TPGS2: variants seen among roughly 807,000 people sequenced by gnomAD.
The protein encoded by TPGS2 is polyglutamylase subunit 2.
TPGS2 carries 26 observed loss-of-function variants against 31.1 expected under a neutral mutation model. That is an observed-to-expected ratio of 0.84 (90% CI 0.61 to 1.16). The LOEUF (loss-of-function observed/expected upper bound fraction) is 1.16, where lower values mean the gene tolerates loss of function less well. Among genes scored for constraint, TPGS2 ranks in the 50% most tolerant of loss-of-function variants. TPGS2 has a pLI of 0.00. For synonymous variants in TPGS2, 130 were observed against 136.6 expected, an observed-to-expected ratio of 0.95 and a Z score of 0.34; for missense variants, 351 against 363.8, an observed-to-expected ratio of 0.96 and a Z score of 0.29.
At chr18:36,792,457 TA>T (rs2044347248), downstream of TPGS2, among the ~76,000 whole-genome samples, 1 of 152,182 alleles carries the variant, frequency 6.6e-6, no homozygotes, top group East Asian at 1.9e-4. Context: ...ATGCTGAAAC[TA>T]AAAAGGTCCC....
At chr18:36,821,151 T>C (rs1262251166) in intron 1 of TPGS2, 5 of 152,126 alleles carry the variant, frequency 3.3e-5, no homozygotes, top group Non-Finnish European at 7.3e-5. Context: ...TGTGAAAAAA[T>C]GGTGTACCAG....
At chr18:36,780,124 TG>T (rs2043967659), downstream of TPGS2, 2 of 1,232,160 alleles carry the variant, frequency 1.6e-6, no homozygotes, top group Non-Finnish European at 2.0e-6. Flanking sequence ...CTCTTCAGAA[TG>T]GCAAAACTCT....
At chr18:36,798,651 T>G in intron 5 of TPGS2, 42 bp from the exon 6 acceptor site, 1 of 1,589,608 alleles carries the variant, frequency 6.3e-7, no homozygotes, top group South Asian at 1.1e-5. Flanking sequence ...AAGAATAGCT[T>G]AACAGTTTTT....
At chr18:36,788,576 T>C (rs1281107641) in intron 6 of TPGS2, 1 of 152,250 alleles carries the variant, frequency 6.6e-6, no homozygotes, top group East Asian at 1.9e-4. Context: ...TACACTCAAC[T>C]ATGTTCAGGC....
At chr18:36,785,531 T>C (rs1013054699) in intron 6 of TPGS2, among the ~76,000 whole-genome samples, 21 of 152,218 alleles carry the variant, frequency 1.4e-4, no homozygotes, top group African/African-American at 4.8e-4. Flanking sequence ...TTATTTGGAT[T>C]GCTGATACTT....
At position 36,798,581 on chromosome 18, in the gene TPGS2, G is replaced by A. The variant is rs76391554; in HGVS notation, c.525C>T (p.Phe175=). 3.7e-6 allele frequency: 6 copies of A among 1,614,044 alleles called. No homozygotes were observed. The African/African-American group carries it at 4.0e-5, about 11-fold the overall frequency. ...AATGCCAGTATAACGCTCTGTCCAG[G>A]AACCAGATCTCAGTGTCTTCTGCTA... The part of the protein sequence containing the change: ...PALAEDTEIW[F]LDRALYWHFL... The change falls in exon 6 of 7, where the codon TTC becomes TTT. Residue 175 remains phenylalanine (F), a synonymous_variant. Coordinates refer to ENST00000334295, the MANE Select transcript of TPGS2 (RefSeq NM_015476.4).
At chr18:36,801,370 C>T (rs1479174012) in intron 4 of TPGS2, among the ~76,000 whole-genome samples, 25 of 152,092 alleles carry the variant, frequency 1.6e-4, no homozygotes, top group Admixed American at 1.6e-3. Context: ...TCCACTCTAT[C>T]ACCTGGGCTG....
rs529781280 is a variant in TPGS2, at chr18:36,795,013, G to C, written c.*1792C>G. 1 of 985,252 alleles carries C rather than the reference G, an allele frequency of 1.0e-6. No homozygotes were observed. Among genetic ancestry groups the C allele is most frequent in the Middle Eastern group, 5.2e-4 (1 of 1,936 alleles). The allele number at this position is 985,252 out of a possible 1,614,324, so 61.0% of individuals were successfully genotyped here. The stretch of plus-strand genomic sequence containing the variant: ...TTTATGCTCCCAAAGACTCTTAAGC[G>C]CTGATATTTCAAGACTTTGAACTAT... On this transcript the variant is annotated 3_prime_UTR_variant, in exon 7 of 7. Transcript: ENST00000334295.
At chr18:36,797,107 G>C in intron 6 of TPGS2, 57 bp from the exon 7 acceptor site, 1 of 1,585,298 alleles carries the variant, frequency 6.3e-7, no homozygotes, top group Non-Finnish European at 8.5e-7. Flanking sequence ...GCCATTCTGT[G>C]TGCTCTTTTT....
rs114805698 is a variant in TPGS2 at position 36,796,859 on chromosome 18, G to A, written c.849C>T (p.Ser283=). The A allele has an allele frequency of 5.7e-5, 92 of 1,607,662 alleles. No individual in the cohort carries two copies. The South Asian group carries it at 9.0e-4, about 16-fold the overall frequency. The change falls in exon 7 of 7, where the codon TCC becomes TCT. Residue 283 remains serine, a synonymous_variant. Transcript: ENST00000334295. ...AGGAGGATTTAGAAGTGGAGGAAGTGGAGGGACCGGAGGGTCCTGAGGGCC... is the reference window on the plus strand; with the variant it reads ...AGGAGGATTTAGAAGTGGAGGAAGTAGAGGGACCGGAGGGTCCTGAGGGCC... ...QKGPSGPSGP[S]TSSTSKSSSG... is the part of the protein sequence containing the mutation.
intron 2 of TPGS2, among the ~76,000 whole-genome samples, chr18:36,815,229 C>T (rs536010191): frequency 6.6e-6 from 1 of 152,240 alleles, no homozygotes; most frequent in Non-Finnish European, 1.5e-5. Flanking sequence ...CAAGCCTGCT[C>T]CTGTGTCAAC....
At position 36,795,285 on chromosome 18, in the gene TPGS2, G is replaced by A. The variant is rs1303481093; in HGVS notation, c.*1520C>T. The A allele has an allele frequency of 1.2e-5, 12 of 985,360 alleles. No individual in the cohort carries two copies. The highest frequency in any genetic ancestry group is 1.1e-4 in the East Asian group (1 of 8,820). 61.0% of individuals were successfully genotyped at this position (985,360 alleles called of 1,614,324 possible). A position where few individuals can be genotyped will look rare whatever the true frequency, so the allele number is the denominator to read the frequency against. On this transcript the variant is annotated 3_prime_UTR_variant, in exon 7 of 7. Transcript: ENST00000334295. ...GTTTGGAAGAGGGAAACCCTGGGTC[G>A]ATTAGCAGGTAGACAGTGCAAAGGA...
intron 1 of TPGS2, 101 bp downstream of exon 1, chr18:36,828,582 T>G: frequency 1.5e-6 from 2 of 1,321,796 alleles, no homozygotes; most frequent in Non-Finnish European, 2.1e-6. Context: ...TGTCCACTCC[T>G]GTTCTGGGGC....
At chr18:36,803,258 A>G (rs1361620589) in intron 4 of TPGS2, among the ~76,000 whole-genome samples, 2 of 152,178 alleles carry the variant, frequency 1.3e-5, no homozygotes, top group South Asian at 2.1e-4. Flanking sequence ...CTGTTGACCA[A>G]CGTTTCCCCT....
intron 2 of TPGS2, among the ~76,000 whole-genome samples, chr18:36,811,334 G>A (rs2045415962): frequency 6.6e-6 from 1 of 152,190 alleles, no homozygotes; most frequent in Admixed American, 6.5e-5. Context: ...GTTTTGTTGA[G>A]TAGGGTATGA....
At chr18:36,818,195 G>C (rs1359102397) in intron 2 of TPGS2, among the ~76,000 whole-genome samples, 4 of 152,046 alleles carry the variant, frequency 2.6e-5, no homozygotes, top group African/African-American at 9.7e-5. Context: ...ATTTCTTATT[G>C]CTTCTTTGGG....
Position 36,805,618 on chromosome 18 carries a change from G to A in TPGS2, c.254-116C>T, listed in dbSNP as rs532848089. The A allele has an allele frequency of 2.2e-4, 295 of 1,342,578 alleles. No homozygotes were observed. In the African/African-American group the frequency reaches 2.2e-3, roughly 10 times the overall value. The allele number at this position is 1,342,578 out of a possible 1,614,324, so 83.2% of individuals were successfully genotyped here. A position where few individuals can be genotyped will look rare whatever the true frequency, so the allele number is the denominator to read the frequency against. On this transcript the variant is annotated intron_variant, in intron 3 of 6. Coordinates refer to ENST00000334295, the MANE Select transcript of TPGS2 (RefSeq NM_015476.4). ...GGTATTGTTTCGCCCCATGGCTGAC[G>A]AATCTGATGGAAGGTGGGAAGAAGA...
intron 6 of TPGS2, chr18:36,786,637 ATCTC>A (rs2044136932): frequency 4.9e-6 from 2 of 407,670 alleles, no homozygotes; most frequent in Non-Finnish European, 8.4e-6. Flanking sequence ...CAGTCTTATG[ATCTC>A]TCTTTTAATA....
chr18:36,796,095 G>A lies in TPGS2; in HGVS notation c.*710C>T. 1 of 985,412 alleles carries A rather than the reference G, an allele frequency of 1.0e-6. No individual in the cohort carries two copies. Among genetic ancestry groups the A allele is most frequent in the Non-Finnish European group, 1.2e-6 (1 of 829,924 alleles). 61.0% of individuals were successfully genotyped at this position (985,412 alleles called of 1,614,324 possible). ...CTGATGAGGAAGACAAACTTTATAG[G>A]AAGCTGCAAAAGAAATGAGCAGAGC... On this transcript the variant is annotated 3_prime_UTR_variant, in exon 7 of 7. Transcript: ENST00000334295.
Sources: allele counts gnomAD v4.1 joint callset (sites outside exome capture counted in the v4.1 genomes callset), GRCh38; gene constraint gnomAD v4.1.1; transcripts MANE v1.5; gene names NCBI Gene and HGNC (gene_info 2026-07-23, HGNC 2026-07-21).